IGSF21: variants seen among roughly 807,000 people sequenced by gnomAD.
IGSF21 encodes immunoglobulin superfamily member 21.
IGSF21 carries 28 observed loss-of-function variants against 46.8 expected under a neutral mutation model. That is an observed-to-expected ratio of 0.60 (90% CI 0.44 to 0.82). The LOEUF (loss-of-function observed/expected upper bound fraction) is 0.82, where lower values mean the gene tolerates loss of function less well. IGSF21 is among the 40% of genes least tolerant of loss of function. IGSF21 has a pLI of 0.00. For synonymous variants in IGSF21, 284 were observed against 273.6 expected, an observed-to-expected ratio of 1.04 and a Z score of -0.38; for missense variants, 624 against 665.5, an observed-to-expected ratio of 0.94 and a Z score of 0.69.
intron 4 of IGSF21, 160 bp from the exon 5 acceptor site, chr1:18,361,955 C>T (rs1183940550): frequency 3.3e-6 from 2 of 598,252 alleles, no homozygotes; most frequent in Non-Finnish European, 6.0e-6. Flanking sequence ...ACGTGTTCCT[C>T]ACTGTAGTGG....
chr1:18,266,559 T>A (rs955196738), intron 2 of IGSF21, among the ~76,000 whole-genome samples: 1 of 152,154 alleles, frequency 6.6e-6, no homozygotes, highest in Admixed American at 6.5e-5. Flanking sequence ...GTGTCTCCCA[T>A]CCTCCAGTGG....
intron 2 of IGSF21, among the ~76,000 whole-genome samples, chr1:18,244,324 G>A (rs922462083): frequency 3.3e-5 from 5 of 152,196 alleles, no homozygotes; most frequent in Non-Finnish European, 5.9e-5. Context: ...AGCTGACTTT[G>A]GAATTCACCT....
In IGSF21 at chr1:18,260,154, G is replaced by A. The variant is rs536903591; in HGVS notation, c.184-31712G>A. Among the ~76,000 whole-genome samples the A allele has an allele frequency of 1.4e-4, 21 of 152,336 alleles. No individual in the cohort carries two copies. In the South Asian group the frequency reaches 1.7e-3, roughly 12 times the overall value. On this transcript the variant is annotated intron_variant, in intron 2 of 9. Coordinates refer to ENST00000251296, the MANE Select transcript of IGSF21 (RefSeq NM_032880.5). ...TTCCTCCTCATGGCTGGAGAAGCAC[G>A]CAGAGGATGAGCGAAGATGTGGAGA...
intron 6 of IGSF21, among the ~76,000 whole-genome samples, chr1:18,372,632 A>AGATGGATGGATGGATGGATG (rs779856968): frequency 0.014 from 1,867 of 135,278 alleles, 31 homozygotes; most frequent in Middle Eastern, 0.03. Context: ...ATGGATGGAT[A>AGATGGATGGATGGATGGATG]GATGGATGGA....
chr1:18,201,539 G>A (rs1408567210), intron 1 of IGSF21, among the ~76,000 whole-genome samples: 1 of 152,196 alleles, frequency 6.6e-6, no homozygotes, highest in Admixed American at 6.5e-5. Context: ...TGGATGGACA[G>A]CACCCATGTC....
chr1:18,208,194 G>A (rs1212242390), intron 1 of IGSF21, among the ~76,000 whole-genome samples: 1 of 151,390 alleles, frequency 6.6e-6, no homozygotes, highest in Non-Finnish European at 1.5e-5. Flanking sequence ...CCAGAGGCCT[G>A]GTGGGCATGC....
rs193158618 is a variant in IGSF21, at chr1:18,326,633, G to A, written c.306-8259G>A. 4.0e-4 allele frequency among the ~76,000 whole-genome samples: 61 copies of A among 152,248 alleles called. 1 individual carries two copies. The highest frequency in any genetic ancestry group is 4.4e-5 in the Non-Finnish European group (3 of 68,024). ...TGAATTACAAAATGCTTTTTAAATCGGGTAGATTATGAAAGTTTGGTCCTG... is the reference window on the plus strand; with the variant it reads ...TGAATTACAAAATGCTTTTTAAATCAGGTAGATTATGAAAGTTTGGTCCTG... On this transcript the variant is annotated intron_variant, in intron 3 of 9. Transcript: ENST00000251296.
chr1:18,361,920 G>A, intron 4 of IGSF21, 195 bp from the exon 5 acceptor site: 1 of 578,360 alleles, frequency 1.7e-6, no homozygotes, highest in Non-Finnish European at 3.1e-6. Context: ...GGAGGGGAGG[G>A]CTCTTGTCTA....
intron 2 of IGSF21, among the ~76,000 whole-genome samples, chr1:18,273,437 T>TTC (rs1557618299): frequency 1.5e-4 from 18 of 121,828 alleles, no homozygotes; most frequent in Admixed American, 1.9e-4. Context: ...TTCCTTTCTT[T>TTC]CTTTCTCACT....
chr1:18,302,031 C>T (rs1182644044), intron 3 of IGSF21, among the ~76,000 whole-genome samples: 1 of 152,158 alleles, frequency 6.6e-6, no homozygotes, highest in Non-Finnish European at 1.5e-5. Context: ...TGGGCACACT[C>T]CCCTGCTCCC....
chr1:18,129,961 C>G (rs1342820213), intron 1 of IGSF21, among the ~76,000 whole-genome samples: 3 of 152,170 alleles, frequency 2.0e-5, no homozygotes, highest in African/African-American at 7.2e-5. Context: ...TTTCCAGCCT[C>G]CAGAACCATG....
intron 1 of IGSF21, among the ~76,000 whole-genome samples, chr1:18,186,484 G>A (rs1349885736): frequency 6.6e-6 from 1 of 152,116 alleles, no homozygotes; most frequent in Non-Finnish European, 1.5e-5. Context: ...CTCCAGAATA[G>A]CACTTGGAGT....
At chr1:18,362,712 A>T (rs1196875082) in intron 5 of IGSF21, among the ~76,000 whole-genome samples, 1 of 152,210 alleles carries the variant, frequency 6.6e-6, no homozygotes, top group Non-Finnish European at 1.5e-5. Context: ...GAGGGACAGG[A>T]TGGAAGGGCG....
At position 18,132,178 on chromosome 1, in the gene IGSF21, TGG is replaced by T. The variant is rs1570252448; in HGVS notation, c.70+23981_70+23982del. 2.0e-5 allele frequency among the ~76,000 whole-genome samples: 3 copies of T among 151,690 alleles called. No individual in the cohort carries two copies. In the East Asian group the frequency reaches 5.8e-4, roughly 29 times the overall value. ...TCCAATATCTGGATGAATGGATGGA[TGG>T]ATGGATGGATGGATGGATGGATGGA... On this transcript the variant is annotated intron_variant, in intron 1 of 9. Coordinates refer to ENST00000251296, the MANE Select transcript of IGSF21 (RefSeq NM_032880.5).
At chr1:18,369,330 G>C (rs1231330964) in intron 6 of IGSF21, among the ~76,000 whole-genome samples, 1 of 152,260 alleles carries the variant, frequency 6.6e-6, no homozygotes, top group Admixed American at 6.5e-5. Context: ...CTCTCTGCAA[G>C]ATGCTTTCCT....
chr1:18,156,692 A>C (rs1399530383), intron 1 of IGSF21, among the ~76,000 whole-genome samples: 1 of 152,202 alleles, frequency 6.6e-6, no homozygotes, highest in Non-Finnish European at 1.5e-5. Context: ...ATTCCAAACA[A>C]GTTGAGCTGC....
At chr1:18,223,831 TC>T (rs1324408238) in intron 1 of IGSF21, among the ~76,000 whole-genome samples, 6 of 152,126 alleles carry the variant, frequency 3.9e-5, no homozygotes, top group Non-Finnish European at 5.9e-5. Flanking sequence ...GGAGTTTTAG[TC>T]CTTAGAGCTA....
chr1:18,362,057 A>T, intron 4 of IGSF21, 58 bp from the exon 5 acceptor site: 1 of 1,274,598 alleles, frequency 7.8e-7, no homozygotes, highest in Non-Finnish European at 1.1e-6. Context: ...GTCATCAGTG[A>T]ACTCTTCCTG....
At chr1:18,222,842 T>C (rs1460608353) in intron 1 of IGSF21, among the ~76,000 whole-genome samples, 2 of 152,204 alleles carry the variant, frequency 1.3e-5, no homozygotes, top group Non-Finnish European at 2.9e-5. Context: ...TGTGTTTTTC[T>C]CTTGGAAACA....
Sources: allele counts gnomAD v4.1 joint callset (sites outside exome capture counted in the v4.1 genomes callset), GRCh38; gene constraint gnomAD v4.1.1; transcripts MANE v1.5; gene names NCBI Gene and HGNC (gene_info 2026-07-23, HGNC 2026-07-21).